The following ITFG2 variants were observed in gnomAD, a reference collection of about 807,000 sequenced individuals.
The protein encoded by ITFG2 is integrin alpha FG-GAP repeat containing 2.
ITFG2 carries 36 observed loss-of-function variants against 54.4 expected under a neutral mutation model. The ratio of observed to expected loss-of-function variants is 0.66; its 90% confidence interval spans 0.51 to 0.87. The LOEUF is 0.87. Ranked by LOEUF, ITFG2 falls within the 40% of genes least tolerant of loss-of-function variation. ITFG2 has a pLI of 0.00. For missense variants in ITFG2, 524 were observed against 576.7 expected, an observed-to-expected ratio of 0.91 and a Z score of 0.94; for synonymous variants, 211 against 225.4, an observed-to-expected ratio of 0.94 and a Z score of 0.57.
intron 2 of ITFG2, chr12:2,857,358 C>G (rs28919876): frequency 0.068 from 26,894 of 394,702 alleles, 1,229 homozygotes; most frequent in Non-Finnish European, 0.094. Flanking sequence ...CCTTCCTGCC[C>G]TAATGTTCAG....
intron 5 of ITFG2, among the ~76,000 whole-genome samples, chr12:2,820,453 G>A (rs566752715): frequency 1.8e-4 from 27 of 152,244 alleles, no homozygotes; most frequent in Admixed American, 1.2e-3. Flanking sequence ...GTGAAGGTAG[G>A]TGTGGAGTGG....
At chr12:2,853,812 G>A (rs902398974) in intron 2 of ITFG2, among the ~76,000 whole-genome samples, 4 of 152,034 alleles carry the variant, frequency 2.6e-5, no homozygotes, top group African/African-American at 9.7e-5. Context: ...GAGCTGCGGG[G>A]TTCACAGCGG....
chr12:2,858,752 T>G, intron 3 of ITFG2: 1 of 1,614,190 alleles, frequency 6.2e-7, no homozygotes. Flanking sequence ...TGTCATTCAT[T>G]GTGTCCAGGA....
chr12:2,855,123 G>A (rs1220375641), intron 2 of ITFG2: 15 of 1,533,270 alleles, frequency 9.8e-6, no homozygotes, highest in South Asian at 8.4e-5. Context: ...CCGTGGGGGG[G>A]CATCTGTGGG....
chr12:2,822,338 AAGT>A (rs2097948186), intron 9 of ITFG2, among the ~76,000 whole-genome samples: 1 of 152,190 alleles, frequency 6.6e-6, no homozygotes, highest in South Asian at 2.1e-4. Context: ...ACTTCAGCAG[AAGT>A]AGTAGCCCCA....
At chr12:2,850,896 T>C (rs948849252) in intron 2 of ITFG2, among the ~76,000 whole-genome samples, 2 of 151,732 alleles carry the variant, frequency 1.3e-5, no homozygotes, top group African/African-American at 2.4e-5. Flanking sequence ...GGTCTCGAAC[T>C]CTTGACCTCA....
chr12:2,814,659 G>A (rs763359810), intron 1 of ITFG2, among the ~76,000 whole-genome samples: 1 of 151,854 alleles, frequency 6.6e-6, no homozygotes, highest in African/African-American at 2.4e-5. Context: ...GGGAAACTCC[G>A]TCTTTACAAA....
At chr12:2,816,893 G>T (rs146101415) in intron 1 of ITFG2, among the ~76,000 whole-genome samples, 1 of 151,412 alleles carries the variant, frequency 6.6e-6, no homozygotes, top group Non-Finnish European at 1.5e-5. Flanking sequence ...CAATCCACCC[G>T]CCTCCACCTC....
At chr12:2,848,235 A>G (rs2098058714) in intron 2 of ITFG2, among the ~76,000 whole-genome samples, 1 of 152,188 alleles carries the variant, frequency 6.6e-6, no homozygotes, top group Non-Finnish European at 1.5e-5. Flanking sequence ...GAAGCCCAGC[A>G]GGTGTGACCA....
intron 9 of ITFG2, 64 bp from the exon 10 acceptor site, chr12:2,822,730 T>C: frequency 7.2e-7 from 1 of 1,393,696 alleles, no homozygotes; most frequent in Non-Finnish European, 1.0e-6. Flanking sequence ...CCCAGCTCGC[T>C]GTTTGTCATC....
At chr12:2,855,438 C>G in intron 2 of ITFG2, 3 of 1,466,846 alleles carry the variant, frequency 2.0e-6, no homozygotes, top group Non-Finnish European at 2.7e-6. Flanking sequence ...ACTCGCTGGC[C>G]TGGACCATCT....
intron 2 of ITFG2, among the ~76,000 whole-genome samples, chr12:2,853,713 TC>T (rs1247827842): frequency 6.6e-6 from 1 of 152,134 alleles, no homozygotes; most frequent in African/African-American, 2.4e-5. Flanking sequence ...TTCATTGCCT[TC>T]CCCCTTTCTT....
chr12:2,856,964 AG>A, intron 2 of ITFG2: 1 of 703,014 alleles, frequency 1.4e-6, no homozygotes, highest in Admixed American at 2.0e-5. Flanking sequence ...CCTGCAGGAA[AG>A]GTTCTTCCAT....
intron 2 of ITFG2, 118 bp from the exon 3 acceptor site, chr12:2,817,791 C>A: frequency 2.1e-6 from 2 of 941,860 alleles, no homozygotes; most frequent in South Asian, 1.7e-5. Flanking sequence ...GTTCATATGG[C>A]GAAAGTCTTC....
At chr12:2,837,647 A>C (rs1002723119) in intron 1 of ITFG2, among the ~76,000 whole-genome samples, 7 of 151,978 alleles carry the variant, frequency 4.6e-5, no homozygotes, top group Admixed American at 2.0e-4. Context: ...CAAAAAAAAA[A>C]CCCAAAAAAC....
At chr12:2,848,875 A>ACG (rs528373473) in intron 2 of ITFG2, among the ~76,000 whole-genome samples, 1,177 of 116,804 alleles carry the variant, frequency 0.01, 10 homozygotes, top group Middle Eastern at 0.049. Context: ...AGACACACAC[A>ACG]CGCACACACA....
intron 2 of ITFG2, among the ~76,000 whole-genome samples, chr12:2,848,207 G>T (rs548312588): frequency 6.6e-5 from 10 of 152,178 alleles, no homozygotes. Context: ...AAAGAAGGCC[G>T]TGGGCAGGAG....
rs749353674 is a variant in ITFG2 at position 2,818,281 on chromosome 12, G to A, written c.406+4G>A. On this transcript the variant is annotated splice_donor_region_variant and intron_variant, in intron 4 of 11. Coordinates refer to ENST00000228799, the MANE Select transcript of ITFG2 (RefSeq NM_018463.4). ...GTCATGCTGATCAGCGACATCGGTG[G>A]GCATGCCTACCTTTGCAGGCAGCCA... 4.3e-6 allele frequency: 7 copies of A among 1,611,888 alleles called. No individual in the cohort carries two copies. The highest frequency in any genetic ancestry group is 1.1e-5 in the South Asian group (1 of 91,072).
intron 2 of ITFG2, among the ~76,000 whole-genome samples, chr12:2,844,686 G>A (rs942393728): frequency 2.6e-5 from 4 of 151,936 alleles, no homozygotes; most frequent in Non-Finnish European, 2.9e-5. Flanking sequence ...TTTATTTCCC[G>A]CTTCCATTCC....
Sources: allele counts gnomAD v4.1 joint callset (sites outside exome capture counted in the v4.1 genomes callset), GRCh38; gene constraint gnomAD v4.1.1; transcripts MANE v1.5; gene names NCBI Gene and HGNC (gene_info 2026-07-23, HGNC 2026-07-21).